LRRC1: variants seen among roughly 807,000 people sequenced by gnomAD.
The protein encoded by LRRC1 is leucine-rich repeat-containing protein 1.
In LRRC1, 28 loss-of-function variants were observed where a neutral mutation model predicts 69.9. That is an observed-to-expected ratio of 0.40 (90% CI 0.30 to 0.55). The LOEUF is 0.55. Among genes scored for constraint, LRRC1 ranks in the 20% least tolerant of loss-of-function variants. The pLI is 0.47. For synonymous variants in LRRC1, 236 were observed against 240.2 expected (o/e 0.98, Z 0.16); for missense variants, 498 against 609.0 (o/e 0.82, Z 1.92).
Position 53,795,272 on chromosome 6 carries a change from C to T in LRRC1, c.16C>T (p.Pro6Ser). ...GGGGGCGGCGATGTTCCACTGCATCCCCCTGTGGCGGTGCAACCGTCATGT... is the reference window on the plus strand; with the variant it reads ...GGGGGCGGCGATGTTCCACTGCATCTCCCTGTGGCGGTGCAACCGTCATGT... MFHCI[P>S]LWRCNRHVES... The change falls in exon 1 of 14, where the codon CCC (proline) becomes TCC (serine). Residue 6 changes from proline (P) to serine (S), a missense_variant. Physicochemically the swap from Pro to Ser is moderately conservative, Grantham distance 74. Around this residue, in one of 3 missense-constraint regions of LRRC1, gnomAD observed 70 missense variants for 62.1 expected, o/e 1.13. Coordinates refer to ENST00000370888, the MANE Select transcript of LRRC1 (RefSeq NM_018214.5). 6.2e-7 allele frequency: 1 copy of T among 1,611,000 alleles called. No individual in the cohort carries two copies. The highest frequency in any genetic ancestry group is 8.5e-7 in the Non-Finnish European group (1 of 1,179,554).
intron 1 of LRRC1, among the ~76,000 whole-genome samples, chr6:53,800,058 G>T (rs1309796627): frequency 6.6e-6 from 1 of 152,030 alleles, no homozygotes; most frequent in Non-Finnish European, 1.5e-5. Context: ...TCAAAATGCT[G>T]CCCCAACACT....
intron 2 of LRRC1, among the ~76,000 whole-genome samples, chr6:53,869,750 A>G (rs1490644663): frequency 6.6e-6 from 1 of 152,132 alleles, no homozygotes; most frequent in Non-Finnish European, 1.5e-5. Flanking sequence ...CAAACAATTA[A>G]TTAATTAAAA....
chr6:53,892,671 CTT>C (rs1010557205), intron 4 of LRRC1, among the ~76,000 whole-genome samples: 4 of 152,224 alleles, frequency 2.6e-5, no homozygotes, highest in African/African-American at 9.7e-5. Context: ...CATTCATTCA[CTT>C]TTGTGTTAAT....
At chr6:53,856,370 G>A (rs150825595) in intron 2 of LRRC1, among the ~76,000 whole-genome samples, 401 of 152,310 alleles carry the variant, frequency 2.6e-3, no homozygotes, top group African/African-American at 9.2e-3. Flanking sequence ...TGATGACACA[G>A]GACAGTGTGG....
At chr6:53,828,058 C>G (rs1242393625) in intron 1 of LRRC1, among the ~76,000 whole-genome samples, 1 of 151,072 alleles carries the variant, frequency 6.6e-6, no homozygotes, top group African/African-American at 2.4e-5. Flanking sequence ...TAATCACAAT[C>G]TGTAATGGTC....
intron 1 of LRRC1, among the ~76,000 whole-genome samples, chr6:53,841,805 C>G (rs1420514121): frequency 6.6e-6 from 1 of 152,176 alleles, no homozygotes; most frequent in Non-Finnish European, 1.5e-5. Flanking sequence ...GTCGATATTT[C>G]TGTCTACTGG....
Position 53,922,740 on chromosome 6 carries a change from TCAAA to T in LRRC1, c.1527_1530del (p.Asn509LysfsTer11), listed in dbSNP as rs780891242. The T allele has an allele frequency of 3.1e-6, 5 of 1,614,076 alleles. No individual in the cohort carries two copies. The highest frequency in any genetic ancestry group is 1.3e-5 in the African/African-American group (1 of 75,018). ...CATGAATGCTGCTAAAGGACTGGAC[TCAAA>T]CAAAAACGAGGTCAATCATGCCATT... On this transcript the variant is annotated frameshift_variant, in exon 14 of 14. Coordinates refer to ENST00000370888, the MANE Select transcript of LRRC1 (RefSeq NM_018214.5). LOFTEE classifies it high-confidence loss of function.
chr6:53,801,915 T>C (rs1190786062), intron 1 of LRRC1, among the ~76,000 whole-genome samples: 1 of 152,228 alleles, frequency 6.6e-6, no homozygotes, highest in Non-Finnish European at 1.5e-5. Flanking sequence ...ATAATTTCTC[T>C]AAAATGGAAT....
intron 1 of LRRC1, among the ~76,000 whole-genome samples, chr6:53,799,615 C>T (rs1264022712): frequency 6.6e-6 from 1 of 152,182 alleles, no homozygotes; most frequent in African/African-American, 2.4e-5. Flanking sequence ...TTGAAAGAAT[C>T]TTCATGCATT....
intron 4 of LRRC1, among the ~76,000 whole-genome samples, chr6:53,883,634 C>T (rs1767372524): frequency 6.6e-6 from 1 of 152,224 alleles, no homozygotes; most frequent in Admixed American, 6.5e-5. Flanking sequence ...ATTATCTTTG[C>T]AGACTTTTTT....
At chr6:53,906,513 A>G in intron 10 of LRRC1, among the ~76,000 whole-genome samples, 1 of 152,208 alleles carries the variant, frequency 6.6e-6, no homozygotes, top group East Asian at 1.9e-4. Flanking sequence ...CTCTTTCACA[A>G]GATTATGTTC....
At chr6:53,856,459 G>A (rs1766313243) in intron 2 of LRRC1, among the ~76,000 whole-genome samples, 1 of 152,168 alleles carries the variant, frequency 6.6e-6, no homozygotes, top group Admixed American at 6.5e-5. Flanking sequence ...GAAGTAAGCA[G>A]TATCAAAAAG....
At chr6:53,815,847 A>G (rs1463415924) in intron 1 of LRRC1, among the ~76,000 whole-genome samples, 1 of 152,114 alleles carries the variant, frequency 6.6e-6, no homozygotes, top group Non-Finnish European at 1.5e-5. Flanking sequence ...AAAATGTTTT[A>G]TTTTTGTTTG....
In LRRC1 at chr6:53,897,294, A is replaced by G. The variant is rs9349688; in HGVS notation, c.577A>G (p.Ile193Val). ...NNEIYNLPES[I>V]GALLHLKDLW... ...TTTTCTTTTGTTTTAGCCAGAATCA[A>G]TTGGAGCCCTCTTACATCTAAAAGA... Residue 193 changes from isoleucine to valine, a missense_variant, in exon 7 of 14, where the codon ATT becomes GTT. Coordinates refer to ENST00000370888, the MANE Select transcript of LRRC1 (RefSeq NM_018214.5). 149,538 of 1,607,402 alleles carry G rather than the reference A, an allele frequency of 0.093. 9,135 individuals carry two copies. Among genetic ancestry groups the G allele is most frequent in the East Asian group, 0.26 (11,454 of 44,766 alleles).
At chr6:53,804,983 G>GA (rs1277113171) in intron 1 of LRRC1, among the ~76,000 whole-genome samples, 1 of 152,008 alleles carries the variant, frequency 6.6e-6, no homozygotes, top group Non-Finnish European at 1.5e-5. Context: ...CAAGTCCTGT[G>GA]ATCCTTGTGA....
intron 1 of LRRC1, among the ~76,000 whole-genome samples, chr6:53,807,058 G>A (rs1337807273): frequency 6.6e-6 from 1 of 152,176 alleles, no homozygotes; most frequent in African/African-American, 2.4e-5. Flanking sequence ...TGTATTTTGA[G>A]AAACAGTTTG....
chr6:53,818,677 G>A (rs1199991261), intron 1 of LRRC1, among the ~76,000 whole-genome samples: 4 of 152,030 alleles, frequency 2.6e-5, no homozygotes, highest in Non-Finnish European at 2.9e-5. Flanking sequence ...AGATAACAGG[G>A]GAAAGGAGTT....
At chr6:53,882,512 A>C (rs1767326035) in intron 3 of LRRC1, among the ~76,000 whole-genome samples, 1 of 152,204 alleles carries the variant, frequency 6.6e-6, no homozygotes, top group Non-Finnish European at 1.5e-5. Flanking sequence ...TCTGCTAATC[A>C]ATAAAGTATT....
At chr6:53,894,100 T>A (rs186923142) in intron 4 of LRRC1, among the ~76,000 whole-genome samples, 184 of 152,346 alleles carry the variant, frequency 1.2e-3, no homozygotes, top group African/African-American at 3.7e-3. Context: ...TGAGAGAGTT[T>A]TGAAGAACAG....
Sources: allele counts gnomAD v4.1 joint callset (sites outside exome capture counted in the v4.1 genomes callset), GRCh38; gene constraint gnomAD v4.1.1; regional missense constraint gnomAD v4.1.1; transcripts MANE v1.5; gene names NCBI Gene and HGNC (gene_info 2026-07-23, HGNC 2026-07-21).